The following CPSF3 variants were observed in gnomAD, a reference collection of about 807,000 sequenced individuals.
CPSF3 encodes the protein cleavage and polyadenylation specificity factor subunit 3.
In CPSF3, 57 loss-of-function variants were observed where a neutral mutation model predicts 84.1. That is an observed-to-expected ratio of 0.68 (90% CI 0.55 to 0.85). The LOEUF is 0.85. CPSF3 is among the 40% of genes least tolerant of loss of function. The pLI, the probability that CPSF3 is intolerant of heterozygous loss-of-function variation, is 0.00. For missense variants in CPSF3, 522 were observed against 838.8 expected, an observed-to-expected ratio of 0.62 and a Z score of 4.66; for synonymous variants, 275 against 278.1, an observed-to-expected ratio of 0.99 and a Z score of 0.11.
chr2:9,462,759 A>C (rs1681774230), intron 15 of CPSF3, among the ~76,000 whole-genome samples: 1 of 152,250 alleles, frequency 6.6e-6, no homozygotes. Context: ...TATTATTAGT[A>C]ATCCCTCTTA....
intron 17 of CPSF3, among the ~76,000 whole-genome samples, chr2:9,472,433 C>T (rs921643798): frequency 1.3e-5 from 2 of 152,040 alleles, no homozygotes; most frequent in African/African-American, 2.4e-5. Flanking sequence ...ATTTGTGTGG[C>T]ATAGATGAAC....
chr2:9,441,176 T>C (rs887261503), intron 8 of CPSF3, among the ~76,000 whole-genome samples: 9 of 152,344 alleles, frequency 5.9e-5, no homozygotes, highest in African/African-American at 1.9e-4. Flanking sequence ...TATATGAAAA[T>C]TTTTATATAC....
chr2:9,436,998 A>G (rs545691252), intron 7 of CPSF3, among the ~76,000 whole-genome samples: 3 of 152,324 alleles, frequency 2.0e-5, no homozygotes, highest in African/African-American at 7.2e-5. Flanking sequence ...AGTATTTTCA[A>G]AGAAATATGT....
intron 15 of CPSF3, among the ~76,000 whole-genome samples, chr2:9,466,263 C>G (rs1239026791): frequency 6.4e-5 from 3 of 46,972 alleles, no homozygotes; most frequent in Admixed American, 5.0e-4. Flanking sequence ...CACACGCACA[C>G]AAAGACGCAC....
rs11897346 is a variant in CPSF3, at chr2:9,444,791, G to A, written c.1242+1130G>A. On this transcript the variant is annotated intron_variant, in intron 10 of 17. Transcript: ENST00000238112. ...AGCAATTCTCCTGCCTCAGCCTTCC[G>A]GGTAGCTGGGATTACAGGCACGTGC... 6.2e-3 allele frequency among the ~76,000 whole-genome samples: 946 copies of A among 151,984 alleles called. 8 individuals are homozygous for A. Among genetic ancestry groups the A allele is most frequent in the African/African-American group, 0.021 (872 of 41,454 alleles).
At chr2:9,453,062 C>A in intron 12 of CPSF3, 41 bp downstream of exon 12, 2 of 1,213,292 alleles carry the variant, frequency 1.6e-6, no homozygotes, top group Non-Finnish European at 2.3e-6. Context: ...TTCACCTTAG[C>A]ACTGAAAGAA....
Position 9,440,651 on chromosome 2 carries a change from C to T in CPSF3, c.921C>T (p.His307=), listed in dbSNP as rs755257190. Residue 307 remains histidine (H), a synonymous_variant, in exon 8 of 18, where the codon CAC becomes CAT. Transcript: ENST00000238112. ...TCAATAATCCCTTTGTTTTCAAACA[C>T]ATTAGTAACCTCAAGGTGAGTGCTT... is the stretch of plus-strand genomic sequence containing the variant. ...ININNPFVFK[H]ISNLKSMDHF... is the part of the protein sequence containing the mutation. 2 of 1,614,068 alleles carry T rather than the reference C, an allele frequency of 1.2e-6. No individual in the cohort carries two copies. The highest frequency in any genetic ancestry group is 1.7e-6 in the Non-Finnish European group (2 of 1,179,982).
At chr2:9,462,954 A>C (rs1319489163) in intron 15 of CPSF3, among the ~76,000 whole-genome samples, 1 of 152,120 alleles carries the variant, frequency 6.6e-6, no homozygotes, top group Non-Finnish European at 1.5e-5. Context: ...ATGAGGTTTT[A>C]TATTCCTCTG....
chr2:9,442,696 C>CA (rs1433982108), intron 9 of CPSF3, among the ~76,000 whole-genome samples: 1 of 151,838 alleles, frequency 6.6e-6, no homozygotes. Flanking sequence ...ACTAAAAATA[C>CA]AAAAAATTAG....
At chr2:9,461,390 C>T (rs973775126) in intron 15 of CPSF3, among the ~76,000 whole-genome samples, 14 of 152,054 alleles carry the variant, frequency 9.2e-5, no homozygotes, top group South Asian at 4.2e-4. Context: ...CAGTTGGGCA[C>T]GGTGGCTCAC....
At chr2:9,436,774 A>AAAAAAAAAAAAAAAAAAAT (rs139337028) in intron 7 of CPSF3, among the ~76,000 whole-genome samples, 27 of 142,988 alleles carry the variant, frequency 1.9e-4, no homozygotes, top group African/African-American at 6.5e-4. Context: ...CCATCTCAAA[A>AAAAAAAAAAAAAAAAAAAT]AATAATAATA....
At chr2:9,451,315 A>G (rs1572791404) in intron 11 of CPSF3, among the ~76,000 whole-genome samples, 2 of 152,234 alleles carry the variant, frequency 1.3e-5, no homozygotes, top group East Asian at 3.8e-4. Flanking sequence ...AAATACTGTG[A>G]AATACAACCC....
At chr2:9,471,104 C>G (rs578219209) in intron 16 of CPSF3, among the ~76,000 whole-genome samples, 1 of 152,160 alleles carries the variant, frequency 6.6e-6, no homozygotes, top group South Asian at 2.1e-4. Flanking sequence ...ATCCCAGCTA[C>G]TAGGGAGGCT....
At position 9,448,422 on chromosome 2, in the gene CPSF3, T is replaced by G. The variant is rs76965897; in HGVS notation, c.1395+72T>G. The G allele has an allele frequency of 5.7e-5, 69 of 1,202,454 alleles. No individual in the cohort carries two copies. The East Asian group carries it at 1.4e-3, about 25-fold the overall frequency. 74.5% of individuals were successfully genotyped at this position (1,202,454 alleles called of 1,614,324 possible). On this transcript the variant is annotated intron_variant, in intron 11 of 17. Transcript: ENST00000238112. ...GGAAAGACTGTACTTCTTAAGAAAA[T>G]AGATCTTTAGTCAAAAGAATATGCT... is the stretch of plus-strand genomic sequence containing the variant.
chr2:9,455,542 G>T lies in CPSF3; in HGVS notation c.1505-117G>T, dbSNP rs1369472139. The T allele has an allele frequency of 8.5e-6, 6 of 702,894 alleles. No individual in the cohort carries two copies. In the Admixed American group the frequency reaches 1.0e-4, roughly 12 times the overall value. The allele number at this position is 702,894 out of a possible 1,614,324, so 43.5% of individuals were successfully genotyped here. On this transcript the variant is annotated intron_variant, in intron 12 of 17. Transcript: ENST00000238112. The stretch of plus-strand genomic sequence containing the variant: ...GTGGTACCAAATTAAGGAGCATCTT[G>T]TTAGCTTTCTGAAAAACATGTTCAC...
intron 11 of CPSF3, among the ~76,000 whole-genome samples, chr2:9,448,602 G>A (rs1681204021): frequency 6.6e-6 from 1 of 152,180 alleles, no homozygotes; most frequent in Admixed American, 6.5e-5. Context: ...CTGTCACCAG[G>A]CTGGAGTGCA....
At chr2:9,440,075 C>T (rs1680920431) in intron 7 of CPSF3, among the ~76,000 whole-genome samples, 1 of 152,070 alleles carries the variant, frequency 6.6e-6, no homozygotes, top group Admixed American at 6.5e-5. Flanking sequence ...GTAATTAGCA[C>T]TCAATAAATC....
chr2:9,440,411 G>GT (rs111411247), intron 7 of CPSF3, 80 bp from the exon 8 acceptor site: 653,184 of 1,165,832 alleles, frequency 0.56, 196,103 homozygotes, highest in African/African-American at 0.76. Context: ...ATCATTTCTT[G>GT]TTCTGTGTGT....
rs537248788 is a variant in CPSF3 at position 9,454,223 on chromosome 2, C to T, written c.1504+1202C>T. On this transcript the variant is annotated intron_variant, in intron 12 of 17. Coordinates refer to ENST00000238112, the MANE Select transcript of CPSF3 (RefSeq NM_016207.4). ...AGGAGTTCGAGACCATCCTGGCCAA[C>T]GTGGTAAAACCCCATCTCTACTAAA... Among the ~76,000 whole-genome samples, 4 of 152,090 alleles carry T rather than the reference C, an allele frequency of 2.6e-5. No individual in the cohort carries two copies. The South Asian group carries it at 6.2e-4, about 24-fold the overall frequency.
Sources: allele counts gnomAD v4.1 joint callset (sites outside exome capture counted in the v4.1 genomes callset), GRCh38; gene constraint gnomAD v4.1.1; transcripts MANE v1.5; gene names NCBI Gene and HGNC (gene_info 2026-07-23, HGNC 2026-07-21).